Variants in TCF7L2 observed in about 807,000 individuals in gnomAD.
TCF7L2 encodes the protein transcription factor 7-like 2.
TCF7L2 carries 23 observed loss-of-function variants against 77.9 expected under a neutral mutation model. The observed-to-expected ratio is 0.30, with a 90% CI of 0.21 to 0.42. The LOEUF (loss-of-function observed/expected upper bound fraction) is 0.42, where lower values mean the gene tolerates loss of function less well. Among genes scored for constraint, TCF7L2 ranks in the 10% least tolerant of loss-of-function variants. The probability of loss-of-function intolerance (pLI) is 1.00; values close to 1 mark genes in which losing one functional copy is unlikely to be tolerated. For missense variants in TCF7L2, 654 were observed against 793.1 expected (o/e 0.82, Z 2.11); for synonymous variants, 413 against 340.2 (o/e 1.21, Z -2.36).
At chr10:112,976,975 CT>C (rs11321606) in intron 4 of TCF7L2, among the ~76,000 whole-genome samples, 31,090 of 143,072 alleles carry the variant, frequency 0.22, 3,816 homozygotes, top group East Asian at 0.67. Flanking sequence ...GCAATATTAC[CT>C]TTTTTTTTTT....
At chr10:113,025,218 ATTTTTTTT>A (rs35779425) in intron 4 of TCF7L2, among the ~76,000 whole-genome samples, 1 of 98,980 alleles carries the variant, frequency 1.0e-5, no homozygotes, top group African/African-American at 4.6e-5. Context: ...CTGTGACTGG[ATTTTTTTT>A]TTTTTTTTTT....
chr10:113,121,986 AAC>A lies in TCF7L2; in HGVS notation c.553-19193_553-19192del, dbSNP rs1479709214. On this transcript the variant is annotated intron_variant, in intron 5 of 13. Transcript: ENST00000627217. ...AACAACAGTAACACAATCATTACAT[AAC>A]ACACTGTAAATCAAAGGAATATATG... 5.3e-5 allele frequency among the ~76,000 whole-genome samples: 8 copies of A among 152,350 alleles called. No homozygotes were observed. The South Asian group carries it at 1.7e-3, about 32-fold the overall frequency.
At chr10:113,021,725 A>G (rs1415295203) in intron 4 of TCF7L2, among the ~76,000 whole-genome samples, 2 of 152,210 alleles carry the variant, frequency 1.3e-5, no homozygotes, top group Non-Finnish European at 2.9e-5. Context: ...CCACACTCAA[A>G]ACTGAACTCT....
intron 5 of TCF7L2, among the ~76,000 whole-genome samples, chr10:113,051,721 G>T (rs1243067803): frequency 6.6e-6 from 1 of 152,132 alleles, no homozygotes; most frequent in Non-Finnish European, 1.5e-5. Flanking sequence ...CTGTGGTTCT[G>T]GGGAATTCTG....
At chr10:113,009,123 A>T (rs1266797567) in intron 4 of TCF7L2, among the ~76,000 whole-genome samples, 1 of 152,050 alleles carries the variant, frequency 6.6e-6, no homozygotes, top group Non-Finnish European at 1.5e-5. Flanking sequence ...TTTTGAAGAG[A>T]TGGGGTCTCA....
At chr10:112,992,718 AC>A (rs2042791315) in intron 4 of TCF7L2, among the ~76,000 whole-genome samples, 1 of 148,684 alleles carries the variant, frequency 6.7e-6, no homozygotes, top group Admixed American at 6.7e-5. Flanking sequence ...CTCCAAGCAG[AC>A]CCCCTCTGTG....
intron 4 of TCF7L2, among the ~76,000 whole-genome samples, chr10:112,975,976 A>G (rs1019475906): frequency 1.1e-4 from 16 of 152,244 alleles, no homozygotes; most frequent in African/African-American, 3.9e-4. Context: ...ATATTATACT[A>G]TATTACCTTT....
chr10:112,961,893 ATGTG>A (rs112146089), intron 3 of TCF7L2, among the ~76,000 whole-genome samples: 2 of 148,418 alleles, frequency 1.3e-5, no homozygotes, highest in African/African-American at 2.5e-5. Context: ...GTGTGCGTGT[ATGTG>A]TGTGTGTGTG....
At chr10:113,158,473 TC>T (rs1182339380) in intron 12 of TCF7L2, among the ~76,000 whole-genome samples, 193 bp from the exon 13 acceptor site, 2 of 152,184 alleles carry the variant, frequency 1.3e-5, no homozygotes, top group Non-Finnish European at 2.9e-5. Context: ...ACTGGGCTGT[TC>T]CTGAATGTTC....
At position 113,074,369 on chromosome 10, in the gene TCF7L2, A is replaced by G. The variant is rs552198310; in HGVS notation, c.552+34243A>G. On this transcript the variant is annotated intron_variant, in intron 5 of 13. Transcript: ENST00000627217. ...TTTCTTGAGTGACTGGGCTATTATG[A>G]TTAGCAGATTACTAAAGCTGTGTGA... 2.2e-4 allele frequency among the ~76,000 whole-genome samples: 33 copies of G among 152,302 alleles called. 1 individual carries two copies. Among genetic ancestry groups the G allele is most frequent in the African/African-American group, 7.0e-4 (29 of 41,562 alleles).
At chr10:112,962,694 G>A (rs150206174) in intron 3 of TCF7L2, among the ~76,000 whole-genome samples, 4,611 of 152,208 alleles carry the variant, frequency 0.03, 227 homozygotes, top group African/African-American at 0.1. Context: ...TGCCTCCTGG[G>A]TCCAAGCAAT....
intron 8 of TCF7L2, among the ~76,000 whole-genome samples, chr10:113,149,434 G>A (rs185643256): frequency 5.8e-4 from 89 of 152,338 alleles, no homozygotes; most frequent in Middle Eastern, 3.4e-3. Flanking sequence ...CCACGTCAGC[G>A]TGGGATTTTT....
intron 5 of TCF7L2, among the ~76,000 whole-genome samples, chr10:113,084,660 C>T (rs1266559435): frequency 1.3e-5 from 2 of 152,018 alleles, no homozygotes; most frequent in African/African-American, 2.4e-5. Flanking sequence ...TTTGGGAGGC[C>T]GAGGTGGGCG....
At chr10:113,149,163 A>T (rs917446604) in intron 8 of TCF7L2, among the ~76,000 whole-genome samples, 2 of 152,242 alleles carry the variant, frequency 1.3e-5, no homozygotes, top group African/African-American at 2.4e-5. Flanking sequence ...GTTTCCTCTG[A>T]GGCCTTCGAG....
chr10:113,087,783 G>T (rs1345064775), intron 5 of TCF7L2, among the ~76,000 whole-genome samples: 2 of 152,182 alleles, frequency 1.3e-5, no homozygotes, highest in South Asian at 4.1e-4. Context: ...CAGTTATGGG[G>T]CAGCAATGGC....
intron 4 of TCF7L2, among the ~76,000 whole-genome samples, chr10:112,979,341 G>A (rs1339154272): frequency 6.6e-6 from 1 of 152,176 alleles, no homozygotes; most frequent in Non-Finnish European, 1.5e-5. Context: ...CATTGTATGA[G>A]GTCATGGTGC....
intron 5 of TCF7L2, among the ~76,000 whole-genome samples, chr10:113,081,739 G>A (rs1591453074): frequency 6.6e-6 from 1 of 152,186 alleles, no homozygotes; most frequent in Admixed American, 6.5e-5. Flanking sequence ...GTGATAGCTG[G>A]TGCCAGTTAG....
At chr10:113,062,249 CT>C (rs1294903223) in intron 5 of TCF7L2, among the ~76,000 whole-genome samples, 1 of 152,280 alleles carries the variant, frequency 6.6e-6, no homozygotes, top group East Asian at 1.9e-4. Flanking sequence ...CCTCAAACCC[CT>C]GTGTTCTTTG....
chr10:113,033,754 A>C (rs2050658379), intron 4 of TCF7L2, among the ~76,000 whole-genome samples: 1 of 152,156 alleles, frequency 6.6e-6, no homozygotes, highest in South Asian at 2.1e-4. Context: ...CAAAAGATGC[A>C]ATTCCTGGAG....
Sources: gnomAD v4.1 joint callset for allele counts (sites outside exome capture counted in the v4.1 genomes callset) on GRCh38, gnomAD v4.1.1 for gene constraint, MANE v1.5 for transcripts, NCBI Gene and HGNC (gene_info 2026-07-23, HGNC 2026-07-21) for gene names.